The following ADGRE5 variants were observed in gnomAD, a reference collection of about 807,000 sequenced individuals.
ADGRE5 encodes the protein adhesion G protein-coupled receptor E5.
A neutral mutation model predicts 100.3 loss-of-function variants in ADGRE5; 72 were observed. The observed-to-expected ratio is 0.72, with a 90% CI of 0.59 to 0.87. The LOEUF (loss-of-function observed/expected upper bound fraction) is 0.87. Ranked by LOEUF, ADGRE5 falls within the 40% of genes least tolerant of loss-of-function variation. The probability of loss-of-function intolerance (pLI) is 0.00; values close to 1 mark genes in which losing one functional copy is unlikely to be tolerated. For synonymous variants in ADGRE5, 439 were observed against 447.8 expected, an observed-to-expected ratio of 0.98 and a Z score of 0.25; for missense variants, 959 against 1,094.7, an observed-to-expected ratio of 0.88 and a Z score of 1.75.
In ADGRE5 at chr19:14,406,026, G is replaced by C; in HGVS notation, c.1821+87G>C. The C allele has an allele frequency of 8.1e-7, 1 of 1,234,316 alleles. No homozygotes were observed. Among genetic ancestry groups the C allele is most frequent in the Non-Finnish European group, 1.1e-6 (1 of 905,748 alleles). 76.5% of individuals were successfully genotyped at this position (1,234,316 alleles called of 1,614,324 possible). On this transcript the variant is annotated intron_variant, in intron 14 of 19. Coordinates refer to ENST00000242786, the MANE Select transcript of ADGRE5 (RefSeq NM_078481.4). This position sits in a 1 kb window ranked among gnomAD's most constrained non-coding sequence, Gnocchi z 6.0. The stretch of plus-strand genomic sequence containing the variant: ...CCCGCCCACTCCCGGGGCTCAGTCG[G>C]GTAGGCGGGCCCTGGAGGCATGAGG...
Position 14,406,029 on chromosome 19 carries a change from A to T in ADGRE5, c.1821+90A>T. 8.3e-7 allele frequency: 1 copy of T among 1,207,198 alleles called. No homozygotes were observed. 74.8% of individuals were successfully genotyped at this position (1,207,198 alleles called of 1,614,324 possible). A position where few individuals can be genotyped will look rare whatever the true frequency, so the allele number is the denominator to read the frequency against. On this transcript the variant is annotated intron_variant, in intron 14 of 19. Coordinates refer to ENST00000242786, the MANE Select transcript of ADGRE5 (RefSeq NM_078481.4). The surrounding 1 kb of genome is among the most constrained non-coding windows in gnomAD (Gnocchi z 6.0). ...GCCCACTCCCGGGGCTCAGTCGGGT[A>T]GGCGGGCCCTGGAGGCATGAGGCCC...
chr19:14,404,451 G>A lies in ADGRE5; in HGVS notation c.1518G>A (p.Gly506=), dbSNP rs1373922261. 4 of 1,612,252 alleles carry A rather than the reference G, an allele frequency of 2.5e-6. No individual in the cohort carries two copies. The Admixed American group carries it at 6.7e-5, about 27-fold the overall frequency. ...AFWKSDSDRG[G]HWATEGCQVL... ...GGAAGAGTGACAGCGACAGGGGAGG[G>A]CACTGGGCCACCGAGGGCTGCCAGG... The change falls in exon 13 of 20, where the codon GGG becomes GGA. Residue 506 remains glycine (G), a synonymous_variant. Coordinates refer to ENST00000242786, the MANE Select transcript of ADGRE5 (RefSeq NM_078481.4).
At chr19:14,390,057 C>T (rs1189898404) in intron 3 of ADGRE5, among the ~76,000 whole-genome samples, 10 of 124,782 alleles carry the variant, frequency 8.0e-5, no homozygotes, top group Non-Finnish European at 9.7e-5. Context: ...GCCTGGGCAA[C>T]AAGAGTGAAA....
chr19:14,389,736 C>CA lies in ADGRE5; in HGVS notation c.190+930dup, dbSNP rs770658799. On this transcript the variant is annotated intron_variant, in intron 3 of 19. Coordinates refer to ENST00000242786, the MANE Select transcript of ADGRE5 (RefSeq NM_078481.4). ...GGGCGACCAGAGCAAGACTTTGTCTCAAAAAAAAAAAAGAGAGAGACAGAG... is the reference window on the plus strand; with the variant it reads ...GGGCGACCAGAGCAAGACTTTGTCTCAAAAAAAAAAAAAGAGAGAGACAGAG... Among the ~76,000 whole-genome samples, 1,216 of 123,014 alleles carry CA rather than the reference C, an allele frequency of 9.9e-3. 6 individuals carry two copies. The highest frequency in any genetic ancestry group is 0.018 in the East Asian group (79 of 4,316). 80.7% of individuals were successfully genotyped at this position (123,014 alleles called of 152,430 possible).
chr19:14,386,752 G>A (rs1975372366), intron 1 of ADGRE5, among the ~76,000 whole-genome samples: 2 of 148,346 alleles, frequency 1.3e-5, no homozygotes, highest in East Asian at 4.0e-4. Context: ...GGTGGCTCAC[G>A]CCTGTAATCC....
chr19:14,387,259 A>G (rs1975391328), intron 1 of ADGRE5, among the ~76,000 whole-genome samples: 1 of 151,990 alleles, frequency 6.6e-6, no homozygotes, highest in African/African-American at 2.4e-5. Context: ...CCAGGTCAGA[A>G]GAGCAGCAGC....
intron 9 of ADGRE5, chr19:14,398,366 G>A (rs935353350): frequency 1.8e-6 from 1 of 558,302 alleles, no homozygotes; most frequent in African/African-American, 1.9e-5. Context: ...ACAGAGTGCA[G>A]CACTTAAGAA....
rs138661222 is a variant in ADGRE5 at position 14,402,636 on chromosome 19, C to A, written c.1223C>A (p.Thr408Lys). 2.5e-6 allele frequency: 4 copies of A among 1,614,098 alleles called. No homozygotes were observed. The highest frequency in any genetic ancestry group is 3.3e-5 in the Admixed American group (2 of 60,002). The stretch of plus-strand genomic sequence containing the variant: ...GGCATCCTCTCCATCCAGAACATGA[C>A]GACATTGCTGGCCAATGCCTCCTTG... ...VAGILSIQNM[T>K]TLLANASLNL... Residue 408 changes from threonine (T) to lysine (K), a missense_variant, in exon 12 of 20, where the codon ACG becomes AAG. Around this residue, in one of 6 missense-constraint regions of ADGRE5, gnomAD observed 246 missense variants for 242.2 expected, o/e 1.02. Coordinates refer to ENST00000242786, the MANE Select transcript of ADGRE5 (RefSeq NM_078481.4).
chr19:14,384,552 C>G (rs559960956), intron 1 of ADGRE5, among the ~76,000 whole-genome samples: 1 of 152,126 alleles, frequency 6.6e-6, no homozygotes, highest in Non-Finnish European at 1.5e-5. Context: ...ATTCCCAGAT[C>G]GGCAGGGACT....
In ADGRE5 at chr19:14,406,198, G is replaced by A; in HGVS notation, c.1822-133G>A. The A allele has an allele frequency of 1.3e-6, 1 of 777,350 alleles. No homozygotes were observed. Among genetic ancestry groups the A allele is most frequent in the Non-Finnish European group, 2.0e-6 (1 of 499,618 alleles). The allele number at this position is 777,350 out of a possible 1,614,324, so 48.2% of individuals were successfully genotyped here. ...GGGGTGGGCCCTGGGGGGAAACCTG[G>A]CCCCCGCTCCAGACCCGCCCACCCT... On this transcript the variant is annotated intron_variant, in intron 14 of 19. Coordinates refer to ENST00000242786, the MANE Select transcript of ADGRE5 (RefSeq NM_078481.4). This position sits in a 1 kb window ranked among gnomAD's most constrained non-coding sequence, Gnocchi z 6.0.
intron 4 of ADGRE5, among the ~76,000 whole-genome samples, chr19:14,396,026 A>C (rs915941377): frequency 1.3e-5 from 2 of 152,188 alleles, no homozygotes; most frequent in Admixed American, 1.3e-4. Flanking sequence ...TGTCCCCTGC[A>C]TTTGGTTCTC....
intron 4 of ADGRE5, among the ~76,000 whole-genome samples, chr19:14,395,314 A>C (rs10404878): frequency 0.69 from 103,112 of 149,724 alleles, 36,655 homozygotes; most frequent in East Asian, 0.84. Context: ...AAAAAAAAAA[A>C]AAAAACAAAA....
intron 13 of ADGRE5, 163 bp downstream of exon 13, chr19:14,404,725 TG>T: frequency 1.6e-6 from 1 of 631,874 alleles, no homozygotes; most frequent in Non-Finnish European, 2.7e-6. Flanking sequence ...CCTCTTCCTT[TG>T]GCCTCTTCTC....
rs1976228014 is a variant in ADGRE5, at chr19:14,406,230, G to A, written c.1822-101G>A. 1 of 952,338 alleles carries A rather than the reference G, an allele frequency of 1.1e-6. No homozygotes were observed. Among genetic ancestry groups the A allele is most frequent in the African/African-American group, 1.7e-5 (1 of 60,562 alleles). 59.0% of individuals were successfully genotyped at this position (952,338 alleles called of 1,614,324 possible). A position where few individuals can be genotyped will look rare whatever the true frequency, so the allele number is the denominator to read the frequency against. On this transcript the variant is annotated intron_variant, in intron 14 of 19. Transcript: ENST00000242786. This position sits in a 1 kb window ranked among gnomAD's most constrained non-coding sequence, Gnocchi z 6.0. ...CTCCAGACCCGCCCACCCTCCGGCT[G>A]TGGTCCCGCCCACTCTCGGGACCTG...
At chr19:14,383,683 T>C (rs1975238531) in intron 1 of ADGRE5, among the ~76,000 whole-genome samples, 1 of 151,100 alleles carries the variant, frequency 6.6e-6, no homozygotes. Context: ...GCCCAGAGAA[T>C]GCAAACCAGA....
At position 14,397,233 on chromosome 19, in the gene ADGRE5, T is replaced by C. The variant is rs1339188118; in HGVS notation, c.625+10T>C. 3.7e-6 allele frequency: 6 copies of C among 1,613,800 alleles called. No homozygotes were observed. The highest frequency in any genetic ancestry group is 5.1e-6 in the Non-Finnish European group (6 of 1,179,912). The stretch of plus-strand genomic sequence containing the variant: ...AATACCGTCTGTGAAGGTCGAGAGC[T>C]CAGATCCCACGTTTCTAGCGACCCA... On this transcript the variant is annotated intron_variant, in intron 6 of 19. Coordinates refer to ENST00000242786, the MANE Select transcript of ADGRE5 (RefSeq NM_078481.4).
rs371611881 is a variant in ADGRE5 at position 14,397,199 on chromosome 19, G to A, written c.601G>A (p.Gly201Ser). The change falls in exon 6 of 20, where the codon GGC (glycine) becomes AGC (serine). Residue 201 changes from glycine to serine, a missense_variant. Transcript: ENST00000242786. The stretch of plus-strand genomic sequence containing the variant: ...GCAACCGATTCCGGGGTCCCCCAAT[G>A]GCCCAAACAATACCGTCTGTGAAGG... Reference protein sequence around the residue: ...GWQPIPGSPNGPNNTVCEDVD... With the variant: ...GWQPIPGSPNSPNNTVCEDVD... 1.7e-5 allele frequency: 28 copies of A among 1,613,900 alleles called. No homozygotes were observed. The Admixed American group carries it at 3.2e-4, about 18-fold the overall frequency.
chr19:14,401,511 G>A lies in ADGRE5; in HGVS notation c.1023G>A (p.Leu341=), dbSNP rs772694731. Reference sequence around the variant, plus strand: ...ACCTTGAAGATATCATGAGGATCCTGGCCAAGAGCCTGCCTAAAGGCCCCT... The same window carrying A: ...ACCTTGAAGATATCATGAGGATCCTAGCCAAGAGCCTGCCTAAAGGCCCCT... The part of the protein sequence containing the change: ...LSNLEDIMRI[L]AKSLPKGPFT... Residue 341 remains leucine (L), a synonymous_variant, in exon 10 of 20, where the codon CTG becomes CTA. Transcript: ENST00000242786. The surrounding 1 kb of genome is among the most constrained non-coding windows in gnomAD (Gnocchi z 4.1). 6.2e-7 allele frequency: 1 copy of A among 1,614,106 alleles called. No homozygotes were observed. Among genetic ancestry groups the A allele is most frequent in the South Asian group, 1.1e-5 (1 of 91,086 alleles).
chr19:14,400,222 A>G (rs1333712513), intron 9 of ADGRE5, among the ~76,000 whole-genome samples: 9 of 151,848 alleles, frequency 5.9e-5, no homozygotes, highest in Admixed American at 1.3e-4. Context: ...GGATTTCACC[A>G]TGTTAGCCAG....
Sources: allele counts gnomAD v4.1 joint callset (sites outside exome capture counted in the v4.1 genomes callset), GRCh38; gene constraint gnomAD v4.1.1; regional missense constraint gnomAD v4.1.1; non-coding constraint Gnocchi (gnomAD v3.1); transcripts MANE v1.5; gene names NCBI Gene and HGNC (gene_info 2026-07-23, HGNC 2026-07-21).